Variants in CBFA2T2 observed in about 807,000 individuals in gnomAD.
The protein encoded by CBFA2T2 is protein CBFA2T2.
CBFA2T2 carries 11 observed loss-of-function variants against 62.2 expected under a neutral mutation model. The ratio of observed to expected loss-of-function variants is 0.18; its 90% CI spans 0.11 to 0.29. CBFA2T2 has a LOEUF of 0.29. CBFA2T2 is among the 10% of genes least tolerant of loss of function. The pLI, the probability that CBFA2T2 is intolerant of heterozygous loss-of-function variation, is 1.00. For missense variants in CBFA2T2, 592 were observed against 774.1 expected, an observed-to-expected ratio of 0.76 and a Z score of 2.79; for synonymous variants, 295 against 287.5, an observed-to-expected ratio of 1.03 and a Z score of -0.27.
Position 33,616,078 on chromosome 20 carries a change from G to GAGATAGATAGATAGAT in CBFA2T2, c.421-3398_421-3383dup, listed in dbSNP as rs3054967. Among the ~76,000 whole-genome samples the GAGATAGATAGATAGAT allele has an allele frequency of 1.4e-3, 201 of 143,298 alleles. 1 individual carries two copies. The highest frequency in any genetic ancestry group is 2.3e-3 in the East Asian group (11 of 4,814). 94.0% of individuals were successfully genotyped at this position (143,298 alleles called of 152,430 possible). On this transcript the variant is annotated intron_variant, in intron 3 of 10. Coordinates refer to ENST00000342704, the MANE Select transcript of CBFA2T2 (RefSeq NM_001032999.3). ...GTGACAAAGCAATACTCTGTAGATA[G>GAGATAGATAGATAGAT]AGATAGATAGATAGATAGATAGATA...
At chr20:33,633,778 AG>A (rs1350411943) in intron 8 of CBFA2T2, among the ~76,000 whole-genome samples, 4 of 152,186 alleles carry the variant, frequency 2.6e-5, no homozygotes, top group Non-Finnish European at 5.9e-5. Flanking sequence ...CAGTCTGGCT[AG>A]CATTATTTAA....
Position 33,557,059 on chromosome 20 carries a change from G to A in CBFA2T2, c.35-49897G>A, listed in dbSNP as rs6141978. Among the ~76,000 whole-genome samples the A allele has an allele frequency of 5.4e-4, 63 of 115,884 alleles. 1 individual carries two copies. The East Asian group carries it at 0.015, about 28-fold the overall frequency. The allele number at this position is 115,884 out of a possible 152,430, so 76.0% of individuals were successfully genotyped here. The stretch of plus-strand genomic sequence containing the variant: ...AGACAGAGCCTCACTCTGTTGCCCC[G>A]GCTGGAGTGCAATGGCATGGTCTTG... On this transcript the variant is annotated intron_variant, in intron 1 of 10. Transcript: ENST00000342704.
chr20:33,605,825 A>AT (rs200922863), intron 1 of CBFA2T2, among the ~76,000 whole-genome samples: 6,390 of 144,686 alleles, frequency 0.044, 176 homozygotes, highest in South Asian at 0.086. Flanking sequence ...ATTAATGGTG[A>AT]TTTTTTTTTT....
intron 1 of CBFA2T2, among the ~76,000 whole-genome samples, chr20:33,536,116 A>T (rs533715077): frequency 6.6e-6 from 1 of 151,704 alleles, no homozygotes; most frequent in East Asian, 1.9e-4. Context: ...TCTTTTCCCC[A>T]CCTTTCCCCC....
chr20:33,527,413 C>T (rs546992002), intron 1 of CBFA2T2, among the ~76,000 whole-genome samples: 19 of 149,556 alleles, frequency 1.3e-4, no homozygotes, highest in Admixed American at 1.1e-3. Context: ...TGTTCTGTCG[C>T]CCGGGTTGGA....
chr20:33,494,265 ATATATATATTTTT>A (rs1254865492), intron 1 of CBFA2T2, among the ~76,000 whole-genome samples: 17 of 64,612 alleles, frequency 2.6e-4, no homozygotes, highest in Admixed American at 9.0e-4. Context: ...ATATATATAT[ATATATATATTTTT>A]TTTTTTTTTT....
chr20:33,629,148 A>AT (rs1451766165), intron 7 of CBFA2T2, among the ~76,000 whole-genome samples: 6 of 152,084 alleles, frequency 3.9e-5, no homozygotes, highest in African/African-American at 1.2e-4. Flanking sequence ...CTTTCTTTTT[A>AT]TTTTTTTCAA....
chr20:33,539,454 C>T (rs1680564224), intron 1 of CBFA2T2, among the ~76,000 whole-genome samples: 2 of 152,086 alleles, frequency 1.3e-5, no homozygotes, highest in Non-Finnish European at 1.5e-5. Context: ...GTCAATGAAG[C>T]CCATCTTTAT....
At chr20:33,521,844 GTGTTTC>G (rs2011738703) in intron 1 of CBFA2T2, among the ~76,000 whole-genome samples, 1 of 151,966 alleles carries the variant, frequency 6.6e-6, no homozygotes, top group Admixed American at 6.6e-5. Context: ...GTGTGTGTGT[GTGTTTC>G]TTGGTTGGCA....
At chr20:33,549,291 C>A (rs1415693845) in intron 1 of CBFA2T2, among the ~76,000 whole-genome samples, 1 of 151,082 alleles carries the variant, frequency 6.6e-6, no homozygotes, top group Non-Finnish European at 1.5e-5. Flanking sequence ...AAAAAAAAAT[C>A]AACCATTTTG....
intron 1 of CBFA2T2, among the ~76,000 whole-genome samples, chr20:33,575,245 T>C (rs2013769613): frequency 6.6e-6 from 1 of 152,226 alleles, no homozygotes; most frequent in South Asian, 2.1e-4. Flanking sequence ...GAAGCAATTA[T>C]TTCTAGTCAT....
intron 1 of CBFA2T2, 28 bp downstream of exon 1, chr20:33,490,329 G>A: frequency 2.3e-6 from 3 of 1,278,370 alleles, no homozygotes; most frequent in Non-Finnish European, 3.0e-6. Flanking sequence ...GCGGGCGGCC[G>A]AGGGGGGCGT....
intron 1 of CBFA2T2, among the ~76,000 whole-genome samples, chr20:33,571,170 G>T (rs2013549376): frequency 2.0e-5 from 3 of 152,216 alleles, no homozygotes; most frequent in Admixed American, 2.0e-4. Context: ...AAGTGGGTCT[G>T]GAGGGGGGAC....
intron 2 of CBFA2T2, among the ~76,000 whole-genome samples, chr20:33,609,162 A>G (rs760641002): frequency 2.0e-5 from 3 of 151,866 alleles, no homozygotes; most frequent in Non-Finnish European, 2.9e-5. Context: ...TGTGTATTGT[A>G]TTATTAATAA....
intron 1 of CBFA2T2, among the ~76,000 whole-genome samples, chr20:33,490,569 G>A (rs2011139257): frequency 6.6e-6 from 1 of 152,204 alleles, no homozygotes; most frequent in East Asian, 1.9e-4. Context: ...GGCCGGGCCG[G>A]CGTCCATGGG....
intron 4 of CBFA2T2, among the ~76,000 whole-genome samples, chr20:33,621,583 G>A (rs2015989606): frequency 6.6e-6 from 1 of 152,194 alleles, no homozygotes; most frequent in South Asian, 2.1e-4. Flanking sequence ...TTACACGTGT[G>A]AGCCACCGTG....
chr20:33,529,333 A>AT (rs2011979498), intron 1 of CBFA2T2, among the ~76,000 whole-genome samples: 1 of 151,850 alleles, frequency 6.6e-6, no homozygotes, highest in Non-Finnish European at 1.5e-5. Flanking sequence ...TGCACCAGTT[A>AT]TTTTTACCTT....
chr20:33,544,941 AGAAC>A (rs1423996987), intron 1 of CBFA2T2, among the ~76,000 whole-genome samples: 3 of 131,570 alleles, frequency 2.3e-5, no homozygotes, highest in African/African-American at 1.0e-4. Flanking sequence ...TGAATAGAAT[AGAAC>A]AGAATAGAAT....
chr20:33,533,519 T>G (rs568584423), intron 1 of CBFA2T2, among the ~76,000 whole-genome samples: 2 of 152,342 alleles, frequency 1.3e-5, no homozygotes, highest in Admixed American at 6.5e-5. Context: ...TTGAGTAGTA[T>G]TCTGTTGTAT....
Sources: allele counts gnomAD v4.1 joint callset (sites outside exome capture counted in the v4.1 genomes callset), GRCh38; gene constraint gnomAD v4.1.1; transcripts MANE v1.5; gene names NCBI Gene and HGNC (gene_info 2026-07-23, HGNC 2026-07-21).